ZNF341: variants seen among roughly 807,000 people sequenced by gnomAD.
ZNF341 encodes zinc finger protein 341.
ZNF341 carries 52 observed loss-of-function variants against 87.7 expected under a neutral mutation model. The observed-to-expected ratio is 0.59, with a 90% CI of 0.47 to 0.75. ZNF341 has a LOEUF of 0.75. Ranked by LOEUF, ZNF341 falls within the 30% of genes least tolerant of loss-of-function variation. The probability of loss-of-function intolerance (pLI) is 0.00; values close to 1 mark genes in which losing one functional copy is unlikely to be tolerated. For synonymous variants in ZNF341, 459 were observed against 472.7 expected (o/e 0.97, Z 0.38); for missense variants, 977 against 1,145.9 (o/e 0.85, Z 2.13).
chr20:33,782,085 G>T (rs182152647), intron 11 of ZNF341, among the ~76,000 whole-genome samples: 1 of 152,156 alleles, frequency 6.6e-6, no homozygotes, highest in Admixed American at 6.6e-5. Flanking sequence ...TGGGATTACA[G>T]GTATGAGCCA....
chr20:33,783,358 A>T (rs1285402064), intron 11 of ZNF341, among the ~76,000 whole-genome samples: 1 of 152,042 alleles, frequency 6.6e-6, no homozygotes, highest in Non-Finnish European at 1.5e-5. Context: ...GCTGACTTAA[A>T]AGTGTGGGTG....
At position 33,791,458 on chromosome 20, in the gene ZNF341, G is replaced by C; in HGVS notation, c.2506G>C (p.Gly836Arg). Reference sequence around the variant, plus strand: ...CCTGGCTCTGGCGGAGCTGCAGGCTGGGGCCGAGGGCCCATGTGCCATGCT... The same window carrying C: ...CCTGGCTCTGGCGGAGCTGCAGGCTCGGGCCGAGGGCCCATGTGCCATGCT... ...SNLALAELQA[G>R]AEGPCAMLAV... The change falls in exon 15 of 15, where the codon GGG (glycine) becomes CGG (arginine). Residue 836 changes from glycine to arginine, a missense_variant. By Grantham distance (125) the Gly-to-Arg change is moderately radical (BLOSUM62 -2). Transcript: ENST00000375200. 1 of 1,602,260 alleles carries C rather than the reference G, an allele frequency of 6.2e-7. No homozygotes were observed. The highest frequency in any genetic ancestry group is 8.5e-7 in the Non-Finnish European group (1 of 1,177,112).
chr20:33,746,929 C>T (rs577006804), intron 3 of ZNF341, among the ~76,000 whole-genome samples: 1 of 152,184 alleles, frequency 6.6e-6, no homozygotes, highest in East Asian at 1.9e-4. Flanking sequence ...TTCAGCTGGG[C>T]ACGTTGAAGT....
At position 33,749,005 on chromosome 20, in the gene ZNF341, T is replaced by C; in HGVS notation, c.422T>C (p.Leu141Pro). 6.2e-7 allele frequency: 1 copy of C among 1,614,200 alleles called. No homozygotes were observed. Among genetic ancestry groups the C allele is most frequent in the Non-Finnish European group, 8.5e-7 (1 of 1,180,026 alleles). ...AACATCTTGGTGAGCGATGATGTGC[T>C]CATGTCTGCCATGTCAGCCTTCACA... ...QGNILVSDDV[L>P]MSAMSAFTSL... The change falls in exon 4 of 15, where the codon CTC becomes CCC. Residue 141 changes from leucine (L) to proline (P), a missense_variant. Physicochemically the swap from Leu to Pro is moderately conservative, Grantham distance 98. Coordinates refer to ENST00000375200, the MANE Select transcript of ZNF341 (RefSeq NM_001282933.2).
intron 13 of ZNF341, 36 bp downstream of exon 13, chr20:33,789,010 G>A (rs368699375): frequency 3.3e-5 from 51 of 1,557,866 alleles, no homozygotes; most frequent in East Asian, 1.4e-4. Flanking sequence ...GGTGGGTAGC[G>A]GGACAGATTC....
At chr20:33,751,223 TTG>T (rs1460403681) in intron 4 of ZNF341, among the ~76,000 whole-genome samples, 2 of 152,166 alleles carry the variant, frequency 1.3e-5, no homozygotes, top group Non-Finnish European at 2.9e-5. Flanking sequence ...ACAGACATCT[TTG>T]CCCACCTGCT....
chr20:33,753,049 T>C (rs969166469), intron 4 of ZNF341, 123 bp from the exon 5 acceptor site: 9 of 1,408,318 alleles, frequency 6.4e-6, no homozygotes, highest in Non-Finnish European at 8.8e-6. Context: ...TTAGCCCCTC[T>C]CCTGAGCTGT....
intron 10 of ZNF341, among the ~76,000 whole-genome samples, chr20:33,776,045 C>T (rs770405535): frequency 2.0e-5 from 3 of 151,778 alleles, no homozygotes; most frequent in Admixed American, 1.3e-4. Context: ...ATGAATTTAA[C>T]TTATGTATGT....
intron 3 of ZNF341, among the ~76,000 whole-genome samples, chr20:33,747,638 A>C (rs1282902115): frequency 3.8e-5 from 5 of 132,748 alleles, no homozygotes; most frequent in South Asian, 2.2e-4. Context: ...AAAAAAAAAA[A>C]AAAACACAGT....
intron 2 of ZNF341, among the ~76,000 whole-genome samples, chr20:33,743,558 T>C (rs573946011): frequency 6.6e-6 from 1 of 152,150 alleles, no homozygotes; most frequent in South Asian, 2.1e-4. Context: ...AGGCTGGTCA[T>C]GAATTCCTGA....
intron 4 of ZNF341, among the ~76,000 whole-genome samples, chr20:33,750,069 G>A (rs1386759598): frequency 6.6e-6 from 1 of 152,158 alleles, no homozygotes; most frequent in Admixed American, 6.6e-5. Context: ...TTCTTAACAA[G>A]TGTCCCATGT....
Position 33,786,884 on chromosome 20 carries a change from C to T in ZNF341, c.1853-1979C>T, listed in dbSNP as rs1283037113. Among the ~76,000 whole-genome samples, 4 of 151,444 alleles carry T rather than the reference C, an allele frequency of 2.6e-5. No homozygotes were observed. In the South Asian group the frequency reaches 8.4e-4, roughly 32 times the overall value. On this transcript the variant is annotated intron_variant, in intron 12 of 14. Transcript: ENST00000375200. ...TCAGGAGGCTGAGGCAGGAGAATTGCCTGAACCCAGGAGATGGAGGTTGCA... is the reference window on the plus strand; with the variant it reads ...TCAGGAGGCTGAGGCAGGAGAATTGTCTGAACCCAGGAGATGGAGGTTGCA...
At chr20:33,778,626 A>T (rs1242309006) in intron 10 of ZNF341, among the ~76,000 whole-genome samples, 1 of 152,036 alleles carries the variant, frequency 6.6e-6, no homozygotes, top group Non-Finnish European at 1.5e-5. Context: ...GTGGTTTCAG[A>T]GTGCGCCTGG....
At chr20:33,754,686 G>T (rs1322554377) in intron 5 of ZNF341, among the ~76,000 whole-genome samples, 1 of 152,198 alleles carries the variant, frequency 6.6e-6, no homozygotes, top group East Asian at 1.9e-4. Flanking sequence ...AGAAGGAGCT[G>T]CTGCTGTTGA....
At position 33,745,201 on chromosome 20, in the gene ZNF341, C is replaced by G. The variant is rs752072467; in HGVS notation, c.241C>G (p.Pro81Ala). 4.3e-6 allele frequency: 7 copies of G among 1,614,202 alleles called. No homozygotes were observed. The highest frequency in any genetic ancestry group is 2.2e-5 in the East Asian group (1 of 44,882). Reference protein sequence around the residue: ...HKREQCQGNAPALATVSLATN... With the variant: ...HKREQCQGNAAALATVSLATN... ...GCGGGAACAGTGCCAGGGGAATGCCCCCGCCCTGGCCACAGTCTCACTGGC... is the reference window on the plus strand; with the variant it reads ...GCGGGAACAGTGCCAGGGGAATGCCGCCGCCCTGGCCACAGTCTCACTGGC... Residue 81 changes from proline (P) to alanine (A), a missense_variant, in exon 3 of 15, where the codon CCC becomes GCC. By Grantham distance (27) the Pro-to-Ala change is conservative (BLOSUM62 -1). Coordinates refer to ENST00000375200, the MANE Select transcript of ZNF341 (RefSeq NM_001282933.2).
chr20:33,788,098 T>TG (rs11457167), intron 12 of ZNF341: 152,587 of 152,588 alleles, frequency 1, 76,293 homozygotes, highest in Middle Eastern at 1. Context: ...GACCTTCTGG[T>TG]GCTTCTCTTC....
Position 33,770,107 on chromosome 20 carries a change from C to G in ZNF341, c.1437C>G (p.Ser479Arg). The change falls in exon 10 of 15, where the codon AGC (serine) becomes AGG (arginine). Residue 479 changes from serine (S) to arginine (R), a missense_variant. This residue lies in a region of ZNF341 where 241 missense variants were observed against 335.0 expected (regional missense o/e 0.72). Coordinates refer to ENST00000375200, the MANE Select transcript of ZNF341 (RefSeq NM_001282933.2). ...AGGTGTACAAGTGTGTGGTCAAAAG[C>G]TGTGCCCAGACGTTCCCAAAGCTCG... is the stretch of plus-strand genomic sequence containing the variant. ...NEQVYKCVVK[S>R]CAQTFPKLDT... is the part of the protein sequence containing the mutation. 6.2e-7 allele frequency: 1 copy of G among 1,613,822 alleles called. No individual in the cohort carries two copies. The highest frequency in any genetic ancestry group is 8.5e-7 in the Non-Finnish European group (1 of 1,179,834).
chr20:33,743,423 T>A (rs1346173888), intron 2 of ZNF341, among the ~76,000 whole-genome samples: 2 of 141,488 alleles, frequency 1.4e-5, no homozygotes, highest in East Asian at 4.2e-4. Context: ...CACTGCAACC[T>A]CCACCTCCTG....
rs1568948329 is a variant in ZNF341 at position 33,767,056 on chromosome 20, G to A, written c.1413+15G>A. Reference sequence around the variant, plus strand: ...AGAATGAGCAGGTAGGTGGATGGTGGCAGCAGGGGCCCACACCACACCAGT... The same window carrying A: ...AGAATGAGCAGGTAGGTGGATGGTGACAGCAGGGGCCCACACCACACCAGT... On this transcript the variant is annotated intron_variant, in intron 9 of 14. Transcript: ENST00000375200. The A allele has an allele frequency of 1.9e-6, 3 of 1,604,718 alleles. No individual in the cohort carries two copies. The highest frequency in any genetic ancestry group is 2.2e-5 in the East Asian group (1 of 44,790).
Sources: allele counts gnomAD v4.1 joint callset (sites outside exome capture counted in the v4.1 genomes callset), GRCh38; gene constraint gnomAD v4.1.1; regional missense constraint gnomAD v4.1.1; transcripts MANE v1.5; gene names NCBI Gene and HGNC (gene_info 2026-07-23, HGNC 2026-07-21).